TRAM1: variants seen among roughly 807,000 people sequenced by gnomAD.
The protein encoded by TRAM1 is translocating chain-associated membrane protein 1.
A neutral mutation model predicts 48.7 loss-of-function variants in TRAM1; 17 were observed. The observed-to-expected ratio is 0.35, with a 90% CI of 0.24 to 0.52. The LOEUF (loss-of-function observed/expected upper bound fraction) is 0.52, where lower values mean the gene tolerates loss of function less well. Among genes scored for constraint, TRAM1 ranks in the 20% least tolerant of loss-of-function variants. The pLI is 0.94. For synonymous variants in TRAM1, 182 were observed against 154.0 expected, an observed-to-expected ratio of 1.18 and a Z score of -1.34; for missense variants, 351 against 441.5, an observed-to-expected ratio of 0.79 and a Z score of 1.84.
In TRAM1 at chr8:70,583,200, T is replaced by C. The variant is rs768926473; in HGVS notation, c.1015A>G (p.Thr339Ala). ...FQAPAVKKKP[T>A]VTKGRSSKKG... ...TTAGAAGATCTGCCTTTAGTTACTGTTGGTTTCTTCTTCACAGCTGGTGCC... is the reference window on the plus strand; with the variant it reads ...TTAGAAGATCTGCCTTTAGTTACTGCTGGTTTCTTCTTCACAGCTGGTGCC... Residue 339 changes from threonine to alanine, a missense_variant, in exon 10 of 11, where the codon ACA becomes GCA. Physicochemically the swap from Thr to Ala is moderately conservative, Grantham distance 58. Coordinates refer to ENST00000262213, the MANE Select transcript of TRAM1 (RefSeq NM_014294.6). The C allele has an allele frequency of 6.2e-7, 1 of 1,614,034 alleles. No homozygotes were observed. Among genetic ancestry groups the C allele is most frequent in the Non-Finnish European group, 8.5e-7 (1 of 1,179,996 alleles).
intron 1 of TRAM1, among the ~76,000 whole-genome samples, chr8:70,600,794 T>C (rs766247875): frequency 2.1e-4 from 31 of 151,212 alleles, no homozygotes; most frequent in Non-Finnish European, 4.4e-4. Context: ...ATGAGCTTTG[T>C]TGGTTTTTTT....
chr8:70,600,978 A>C (rs1249277034), intron 1 of TRAM1, among the ~76,000 whole-genome samples: 1 of 152,206 alleles, frequency 6.6e-6, no homozygotes, highest in African/African-American at 2.4e-5. Flanking sequence ...GTTAGAAAAG[A>C]CTAGAAACAT....
intron 9 of TRAM1, 58 bp from the exon 10 acceptor site, chr8:70,583,382 T>A (rs1169948186): frequency 1.3e-6 from 2 of 1,519,914 alleles, no homozygotes; most frequent in Non-Finnish European, 1.8e-6. Context: ...ACTGAATACA[T>A]TCTATCATCT....
At chr8:70,581,280 C>A (rs906404132) in intron 10 of TRAM1, among the ~76,000 whole-genome samples, 1 of 152,122 alleles carries the variant, frequency 6.6e-6, no homozygotes, top group Non-Finnish European at 1.5e-5. Context: ...TAAAATAGAA[C>A]AACAACAATG....
chr8:70,607,985 C>A, intron 1 of TRAM1, 92 bp downstream of exon 1: 1 of 1,419,378 alleles, frequency 7.0e-7, no homozygotes. Flanking sequence ...GAGCCCCCCG[C>A]GTCCTGGGCG....
chr8:70,605,667 T>TATA (rs1489554981), intron 1 of TRAM1, among the ~76,000 whole-genome samples: 1 of 152,226 alleles, frequency 6.6e-6, no homozygotes, highest in Non-Finnish European at 1.5e-5. Flanking sequence ...AAGTCCTATA[T>TATA]ATAGATAACA....
intron 1 of TRAM1, among the ~76,000 whole-genome samples, chr8:70,602,750 T>C (rs759629267): frequency 2.6e-5 from 4 of 152,154 alleles, no homozygotes; most frequent in Non-Finnish European, 4.4e-5. Flanking sequence ...TCTACTAGCA[T>C]GAGTATGACT....
intron 8 of TRAM1, among the ~76,000 whole-genome samples, chr8:70,585,674 C>T (rs911706178): frequency 1.3e-4 from 18 of 140,364 alleles, no homozygotes; most frequent in Middle Eastern, 3.5e-3. Context: ...TGAAAAAATG[C>T]TCATCATCAC....
Position 70,583,096 on chromosome 8 carries a change from G to C in TRAM1, c.1051+68C>G, listed in dbSNP as rs1465281261. The C allele has an allele frequency of 7.2e-6, 11 of 1,523,466 alleles. No individual in the cohort carries two copies. The African/African-American group carries it at 1.1e-4, about 15-fold the overall frequency. 94.4% of individuals were successfully genotyped at this position (1,523,466 alleles called of 1,614,324 possible). On this transcript the variant is annotated intron_variant, in intron 10 of 10. Transcript: ENST00000262213. ...AAGACACCTTAAAACTAATAAATAA[G>C]ATCCAACAACAAATTTTTTAAAAGT...
At chr8:70,602,014 G>A (rs914466662) in intron 1 of TRAM1, among the ~76,000 whole-genome samples, 5 of 151,864 alleles carry the variant, frequency 3.3e-5, no homozygotes, top group Admixed American at 3.3e-4. Flanking sequence ...GAGAGAACAG[G>A]GAAAAAAGCA....
At chr8:70,579,864 T>C (rs1021910560) in intron 10 of TRAM1, among the ~76,000 whole-genome samples, 3 of 152,202 alleles carry the variant, frequency 2.0e-5, no homozygotes, top group Non-Finnish European at 4.4e-5. Context: ...TGAAAAGGTA[T>C]AATATTTATA....
At chr8:70,589,334 TGTTGAGATAACATGCAACCACAAG>T (rs1429143149) in intron 6 of TRAM1, among the ~76,000 whole-genome samples, 1 of 152,108 alleles carries the variant, frequency 6.6e-6, no homozygotes. Flanking sequence ...GGAGAAAGGG[TGTTGAGATAACATGCAACCACAAG>T]GGAACCTCTC....
rs370180055 is a variant in TRAM1 at position 70,608,237 on chromosome 8, C to G, written c.-38G>C. Reference sequence around the variant, plus strand: ...GCCCGCGCCTGCAGGTGCTCCGCCCCGGTTCTGCTCTTCCCAGCTGCTCAC... The same window carrying G: ...GCCCGCGCCTGCAGGTGCTCCGCCCGGGTTCTGCTCTTCCCAGCTGCTCAC... On this transcript the variant is annotated 5_prime_UTR_variant, in exon 1 of 11. Transcript: ENST00000262213. The G allele has an allele frequency of 5.1e-6, 8 of 1,560,092 alleles. No individual in the cohort carries two copies. The Admixed American group carries it at 5.6e-5, about 11-fold the overall frequency.
Position 70,583,259 on chromosome 8 carries a change from T to C in TRAM1, c.956A>G (p.Gln319Arg). ...AFMMWKFINF[Q>R]LRRWREHSAF... Reference sequence around the variant, plus strand: ...AGAATGTTCCCTCCACCTTCGAAGCTGAAAATTAATGAACTTCCACATCAT... The same window carrying C: ...AGAATGTTCCCTCCACCTTCGAAGCCGAAAATTAATGAACTTCCACATCAT... Residue 319 changes from glutamine (Q) to arginine (R), a missense_variant, in exon 10 of 11, where the codon CAG (glutamine) becomes CGG (arginine). Coordinates refer to ENST00000262213, the MANE Select transcript of TRAM1 (RefSeq NM_014294.6). 6.2e-7 allele frequency: 1 copy of C among 1,613,998 alleles called. No homozygotes were observed. The highest frequency in any genetic ancestry group is 8.5e-7 in the Non-Finnish European group (1 of 1,180,000).
chr8:70,589,101 C>T (rs1817292403), intron 6 of TRAM1, among the ~76,000 whole-genome samples: 1 of 152,162 alleles, frequency 6.6e-6, no homozygotes, highest in Non-Finnish European at 1.5e-5. Context: ...GAAAACTCTT[C>T]TCTAGTAAGC....
chr8:70,587,200 T>C (rs753160654), intron 6 of TRAM1, 24 bp from the exon 7 acceptor site: 1 of 1,590,616 alleles, frequency 6.3e-7, no homozygotes, highest in East Asian at 2.2e-5. Flanking sequence ...CATTATAGAT[T>C]AAAACATGCT....
At chr8:70,586,061 G>C (rs1012380412) in intron 8 of TRAM1, among the ~76,000 whole-genome samples, 5 of 150,918 alleles carry the variant, frequency 3.3e-5, no homozygotes, top group Non-Finnish European at 7.4e-5. Flanking sequence ...AAGAAAATGT[G>C]GCACATATAC....
At chr8:70,603,284 A>T (rs1198653154) in intron 1 of TRAM1, among the ~76,000 whole-genome samples, 1 of 141,894 alleles carries the variant, frequency 7.0e-6, no homozygotes, top group Non-Finnish European at 1.5e-5. Flanking sequence ...CTATATATAC[A>T]CACTATATAT....
intron 1 of TRAM1, among the ~76,000 whole-genome samples, chr8:70,604,638 AAG>A (rs1471460351): frequency 6.6e-6 from 1 of 152,202 alleles, no homozygotes; most frequent in Non-Finnish European, 1.5e-5. Flanking sequence ...CTGTCATAAA[AAG>A]AAAGAAAAAA....
Sources: allele counts gnomAD v4.1 joint callset (sites outside exome capture counted in the v4.1 genomes callset), GRCh38; gene constraint gnomAD v4.1.1; transcripts MANE v1.5; gene names NCBI Gene and HGNC (gene_info 2026-07-23, HGNC 2026-07-21).